HMBOX1: variants seen among roughly 807,000 people sequenced by gnomAD.
HMBOX1 encodes homeobox-containing protein 1.
HMBOX1 carries 14 observed loss-of-function variants against 54.5 expected under a neutral mutation model. That is an observed-to-expected ratio of 0.26 (90% confidence interval 0.17 to 0.40). HMBOX1 has a LOEUF of 0.40. HMBOX1 is among the 10% of genes least tolerant of loss of function. The pLI, the probability that HMBOX1 is intolerant of heterozygous loss-of-function variation, is 1.00. For missense variants in HMBOX1, 332 were observed against 514.4 expected (o/e 0.65, Z 3.43); for synonymous variants, 160 against 181.0 (o/e 0.88, Z 0.93).
intron 1 of HMBOX1, among the ~76,000 whole-genome samples, chr8:28,934,636 C>A (rs1347427166): frequency 6.6e-6 from 1 of 152,066 alleles, no homozygotes; most frequent in Non-Finnish European, 1.5e-5. Context: ...AAATAATATA[C>A]AGAAATTGGC....
chr8:28,908,074 A>G (rs1814687266), intron 1 of HMBOX1, among the ~76,000 whole-genome samples: 1 of 152,112 alleles, frequency 6.6e-6, no homozygotes, highest in Non-Finnish European at 1.5e-5. Context: ...GCTGGTTTCA[A>G]ACTCCTGGCC....
rs1189453730 is a variant in HMBOX1 at position 29,051,599 on chromosome 8, C to T, written c.*444C>T. 2 of 702,810 alleles carry T rather than the reference C, an allele frequency of 2.8e-6. No homozygotes were observed. Among genetic ancestry groups the T allele is most frequent in the African/African-American group, 3.5e-5 (2 of 57,202 alleles). 43.5% of individuals were successfully genotyped at this position (702,810 alleles called of 1,614,324 possible). ...GTCGTGGCACAGGAATGACAGACACCATTTGGGGAGTATCCACAGAGTCAA... is the reference window on the plus strand; with the variant it reads ...GTCGTGGCACAGGAATGACAGACACTATTTGGGGAGTATCCACAGAGTCAA... On this transcript the variant is annotated 3_prime_UTR_variant, in exon 10 of 10. Coordinates refer to ENST00000287701, the MANE Select transcript of HMBOX1 (RefSeq NM_001135726.3).
rs181164621 is a variant in HMBOX1, at chr8:29,047,539, G to A, written c.1030+86G>A. ...TAAGATTAACTTCAGTTTAGAAACTGCAAGTCTAAAGGATCCTAACTTCTC... is the reference window on the plus strand; with the variant it reads ...TAAGATTAACTTCAGTTTAGAAACTACAAGTCTAAAGGATCCTAACTTCTC... On this transcript the variant is annotated intron_variant, in intron 8 of 9. Coordinates refer to ENST00000287701, the MANE Select transcript of HMBOX1 (RefSeq NM_001135726.3). 393 of 689,730 alleles carry A rather than the reference G, an allele frequency of 5.7e-4. 3 individuals carry two copies. In the African/African-American group the frequency reaches 6.6e-3, roughly 12 times the overall value. The allele number at this position is 689,730 out of a possible 1,614,324, so 42.7% of individuals were successfully genotyped here.
intron 1 of HMBOX1, among the ~76,000 whole-genome samples, chr8:28,907,691 G>A (rs905615025): frequency 7.2e-5 from 11 of 151,954 alleles, no homozygotes; most frequent in Non-Finnish European, 7.4e-5. Context: ...GAGTCTTCCA[G>A]CTATTTGCTG....
At chr8:29,009,278 G>GT in intron 5 of HMBOX1, 96 bp downstream of exon 5, 1 of 1,130,996 alleles carries the variant, frequency 8.8e-7, no homozygotes, top group Non-Finnish European at 1.3e-6. Flanking sequence ...CAGTAAGATG[G>GT]TTTCATACTT....
At chr8:29,048,264 AC>A (rs1805903520) in intron 8 of HMBOX1, among the ~76,000 whole-genome samples, 1 of 152,228 alleles carries the variant, frequency 6.6e-6, no homozygotes, top group South Asian at 2.1e-4. Context: ...ATGTATATAT[AC>A]ACATATCAAA....
At chr8:28,941,983 T>A (rs934410771) in intron 1 of HMBOX1, among the ~76,000 whole-genome samples, 1 of 152,182 alleles carries the variant, frequency 6.6e-6, no homozygotes, top group African/African-American at 2.4e-5. Flanking sequence ...TACTCTTTCC[T>A]TACAGCCTCC....
At chr8:29,003,801 AGAT>A (rs1563562845) in intron 4 of HMBOX1, among the ~76,000 whole-genome samples, 1 of 151,914 alleles carries the variant, frequency 6.6e-6, no homozygotes, top group African/African-American at 2.4e-5. Context: ...CGAATTATAG[AGAT>A]GATAGCAGTT....
chr8:29,026,961 G>A (rs1802147205), intron 6 of HMBOX1, among the ~76,000 whole-genome samples: 1 of 152,158 alleles, frequency 6.6e-6, no homozygotes, highest in African/African-American at 2.4e-5. Context: ...CTGGTATGTA[G>A]GGGGTTGTGG....
At chr8:28,921,777 T>G (rs1264044434) in intron 1 of HMBOX1, among the ~76,000 whole-genome samples, 1 of 152,240 alleles carries the variant, frequency 6.6e-6, no homozygotes, top group East Asian at 1.9e-4. Context: ...GTCTTTTATG[T>G]TGTAGGGCTA....
chr8:29,001,536 C>T (rs116011492), intron 4 of HMBOX1, among the ~76,000 whole-genome samples: 3,014 of 147,532 alleles, frequency 0.02, 93 homozygotes, highest in African/African-American at 0.071. Context: ...GGTAATAGAG[C>T]GAGATTCCAT....
chr8:28,989,164 C>T (rs1425291163), intron 4 of HMBOX1, among the ~76,000 whole-genome samples: 8 of 151,584 alleles, frequency 5.3e-5, no homozygotes, highest in Admixed American at 3.9e-4. Flanking sequence ...CCCAGCTGCT[C>T]GGGAGGCTGA....
At chr8:28,962,061 A>G (rs1482038781) in intron 1 of HMBOX1, among the ~76,000 whole-genome samples, 6 of 151,814 alleles carry the variant, frequency 4.0e-5, no homozygotes, top group Non-Finnish European at 8.8e-5. Context: ...GGTGTGAGCC[A>G]TTGCACTCAG....
intron 1 of HMBOX1, among the ~76,000 whole-genome samples, chr8:28,897,717 A>G (rs1014660837): frequency 3.9e-5 from 6 of 152,208 alleles, no homozygotes; most frequent in South Asian, 2.1e-4. Flanking sequence ...AAATAAATTC[A>G]AGGCTTACAT....
At chr8:28,960,287 G>A (rs1825227658) in intron 1 of HMBOX1, among the ~76,000 whole-genome samples, 3 of 143,694 alleles carry the variant, frequency 2.1e-5, no homozygotes, top group Admixed American at 6.7e-5. Flanking sequence ...ACAGTGTATT[G>A]TTATGTTGGT....
At chr8:28,890,366 G>C (rs569428946), upstream of HMBOX1, 2 of 168,058 alleles carry the variant, frequency 1.2e-5, no homozygotes, top group Non-Finnish European at 2.6e-5. Context: ...TCCCAGGGAC[G>C]CCCGGCGGCA....
chr8:29,035,376 T>G (rs6994074), intron 6 of HMBOX1, among the ~76,000 whole-genome samples: 63,430 of 151,894 alleles, frequency 0.42, 14,226 homozygotes, highest in African/African-American at 0.58. Context: ...AAAAGAATAG[T>G]CTCCCTGCCT....
chr8:28,916,600 G>T (rs1198393940), intron 1 of HMBOX1, among the ~76,000 whole-genome samples: 1 of 152,024 alleles, frequency 6.6e-6, no homozygotes, highest in Non-Finnish European at 1.5e-5. Context: ...TTACACCTTT[G>T]TCAAATATTA....
intron 1 of HMBOX1, among the ~76,000 whole-genome samples, chr8:28,941,117 A>T (rs535588852): frequency 1.2e-3 from 186 of 152,110 alleles, no homozygotes; most frequent in African/African-American, 4.2e-3. Flanking sequence ...TAGTCCTCAT[A>T]TTTTTTTCTT....
Sources: gnomAD v4.1 joint callset for allele counts (sites outside exome capture counted in the v4.1 genomes callset) on GRCh38, gnomAD v4.1.1 for gene constraint, MANE v1.5 for transcripts, NCBI Gene and HGNC (gene_info 2026-07-23, HGNC 2026-07-21) for gene names.